CCNB3: variants seen among roughly 807,000 people sequenced by gnomAD.
CCNB3 encodes the protein G2/mitotic-specific cyclin-B3.
Under a neutral mutation model 68.0 loss-of-function variants are expected in CCNB3, and 12 were observed. The ratio of observed to expected loss-of-function variants is 0.18; its 90% CI spans 0.11 to 0.29. The LOEUF (loss-of-function observed/expected upper bound fraction) is 0.29, where lower values mean the gene tolerates loss of function less well. Among genes scored for constraint, CCNB3 ranks in the 10% least tolerant of loss-of-function variants. CCNB3 has a pLI of 1.00. For synonymous variants in CCNB3, 354 were observed against 388.9 expected, an observed-to-expected ratio of 0.91 and a Z score of 1.06; for missense variants, 904 against 993.1, an observed-to-expected ratio of 0.91 and a Z score of 1.21.
At chrX:50,315,863 G>T (rs1292439272) in intron 8 of CCNB3, among the ~76,000 whole-genome samples, 2 of 111,531 alleles carry the variant, frequency 1.8e-5, no homozygotes, top group African/African-American at 3.3e-5. Context: ...ATCATACAGT[G>T]TATAGCCTTT....
At chrX:50,323,823 A>G (rs1427262016) in intron 8 of CCNB3, among the ~76,000 whole-genome samples, 1 of 111,958 alleles carries the variant, frequency 8.9e-6, no homozygotes, top group Non-Finnish European at 1.9e-5. Flanking sequence ...GCTTTTTAAC[A>G]TAATTAGGGA....
chrX:50,311,256 G>T lies in CCNB3; in HGVS notation c.3087G>T (p.Glu1029Asp). The T allele has an allele frequency of 8.3e-7, 1 of 1,210,815 alleles. No individual in the cohort carries two copies. The highest frequency in any genetic ancestry group is 3.0e-5 in the East Asian group (1 of 33,795). ...PTTGKELSFK[E>D]PLALQESPTC... ...CTGGGAAGGAGTTGTCCTTCAAGGAGCCATTGGCCTTACAAGAGAGTCCCA... is the reference window on the plus strand; with the variant it reads ...CTGGGAAGGAGTTGTCCTTCAAGGATCCATTGGCCTTACAAGAGAGTCCCA... The change falls in exon 6 of 13, where the codon GAG (glutamate) becomes GAT (aspartate). Residue 1029 changes from glutamate (E) to aspartate (D), a missense_variant. Physicochemically the swap from Glu to Asp is conservative, Grantham distance 45 (BLOSUM62 2). This residue lies in a region of CCNB3 where 285 missense variants were observed against 383.4 expected (regional missense o/e 0.74). Coordinates refer to ENST00000376042, the MANE Select transcript of CCNB3 (RefSeq NM_033031.3).
intron 9 of CCNB3, among the ~76,000 whole-genome samples, chrX:50,346,256 T>TTCTA (rs781948950): frequency 5.3e-5 from 6 of 112,248 alleles, no homozygotes; most frequent in African/African-American, 9.7e-5. Flanking sequence ...CAGGCTTATT[T>TTCTA]TCTATCTCTA....
At chrX:50,227,063 A>C (rs1935863952) in intron 1 of CCNB3, among the ~76,000 whole-genome samples, 1 of 81,279 alleles carries the variant, frequency 1.2e-5, no homozygotes, top group African/African-American at 5.0e-5. Flanking sequence ...TATAGAATAT[A>C]TATACAAATA....
intron 8 of CCNB3, among the ~76,000 whole-genome samples, chrX:50,339,499 C>T (rs1923020513): frequency 8.9e-6 from 1 of 111,872 alleles, no homozygotes; most frequent in African/African-American, 3.3e-5. Flanking sequence ...ATTTTGGGGT[C>T]CCAAGATTTA....
At chrX:50,220,486 G>T (rs1935650327) in intron 1 of CCNB3, among the ~76,000 whole-genome samples, 1 of 111,714 alleles carries the variant, frequency 9.0e-6, no homozygotes, top group Non-Finnish European at 1.9e-5. Context: ...AAGATGTGTT[G>T]AATTTTATCG....
Position 50,346,684 on chromosome X carries a change from G to A in CCNB3, c.3687G>A (p.Val1229=), listed in dbSNP as rs782666114. The change falls in exon 10 of 13, where the codon GTG becomes GTA. Residue 1229 remains valine, a synonymous_variant. Coordinates refer to ENST00000376042, the MANE Select transcript of CCNB3 (RefSeq NM_033031.3). ...EHNSPRVDDF[V]YICDDNYQRS... is the part of the protein sequence containing the mutation. ...ACTCACCTCGTGTGGATGACTTTGT[G>A]TACATCTGTGATGATAATTATCAGC... is the stretch of plus-strand genomic sequence containing the variant. The A allele has an allele frequency of 9.1e-6, 11 of 1,209,543 alleles. No individual in the cohort carries two copies. The highest frequency in any genetic ancestry group is 4.6e-4 in the Middle Eastern group (2 of 4,370).
chrX:50,297,487 A>G (rs1371097048), intron 5 of CCNB3, among the ~76,000 whole-genome samples: 4 of 111,655 alleles, frequency 3.6e-5, no homozygotes, highest in Non-Finnish European at 7.5e-5. Context: ...CCATTGGTCT[A>G]TATCTCTGTT....
chrX:50,279,105 A>T (rs1456994016), intron 1 of CCNB3, among the ~76,000 whole-genome samples: 1 of 62,009 alleles, frequency 1.6e-5, no homozygotes, highest in Non-Finnish European at 2.7e-5. Flanking sequence ...TATATATTCC[A>T]TATATAAATA....
At chrX:50,217,748 C>T (rs1054545123) in intron 1 of CCNB3, among the ~76,000 whole-genome samples, 12 of 111,845 alleles carry the variant, frequency 1.1e-4, no homozygotes, top group African/African-American at 2.9e-4. Context: ...TTTCATTACC[C>T]TCTTGCTGCC....
intron 11 of CCNB3, among the ~76,000 whole-genome samples, chrX:50,350,815 C>T (rs928468263): frequency 2.3e-4 from 25 of 109,389 alleles, no homozygotes; most frequent in African/African-American, 8.4e-4. Flanking sequence ...CCTGCCTCAG[C>T]CTCCCGAGTA....
At chrX:50,289,512 T>G (rs1172912240) in intron 4 of CCNB3, among the ~76,000 whole-genome samples, 1 of 111,807 alleles carries the variant, frequency 8.9e-6, no homozygotes, top group East Asian at 2.8e-4. Context: ...ATTAATAGAA[T>G]GTTGTTAATT....
intron 1 of CCNB3, among the ~76,000 whole-genome samples, chrX:50,279,773 T>C (rs1936070075): frequency 1.1e-5 from 1 of 89,664 alleles, no homozygotes. Flanking sequence ...TATGAATATG[T>C]ATATTCATAT....
In CCNB3 at chrX:50,308,793, A is replaced by G. The variant is rs781989867; in HGVS notation, c.624A>G (p.Ile208Met). The change falls in exon 6 of 13, where the codon ATA becomes ATG. Residue 208 changes from isoleucine (I) to methionine (M), a missense_variant. Coordinates refer to ENST00000376042, the MANE Select transcript of CCNB3 (RefSeq NM_033031.3). ...EESDSDDAFV[I>M]EPMTFKKTHK... ...GTGACAGTGATGATGCGTTTGTTATAGAGCCAATGACTTTTAAGAAGACAC... is the reference window on the plus strand; with the variant it reads ...GTGACAGTGATGATGCGTTTGTTATGGAGCCAATGACTTTTAAGAAGACAC... 2 of 1,211,860 alleles carry G rather than the reference A, an allele frequency of 1.7e-6. No individual in the cohort carries two copies. The highest frequency in any genetic ancestry group is 2.2e-6 in the Non-Finnish European group (2 of 895,521).
chrX:50,342,148 G>T (rs1923175053), intron 8 of CCNB3, 54 bp from the exon 9 acceptor site: 5 of 1,200,511 alleles, frequency 4.2e-6, no homozygotes, highest in Non-Finnish European at 5.6e-6. Flanking sequence ...CTGTCTGGAG[G>T]CGACTTTGGA....
chrX:50,300,491 G>A (rs1936602877), intron 5 of CCNB3, among the ~76,000 whole-genome samples: 2 of 111,869 alleles, frequency 1.8e-5, no homozygotes, highest in South Asian at 3.8e-4. Context: ...TAGAGTTTCT[G>A]CCGAGAGATC....
chrX:50,289,451 C>A (rs1936308299), intron 4 of CCNB3, among the ~76,000 whole-genome samples: 1 of 111,524 alleles, frequency 9.0e-6, no homozygotes, highest in African/African-American at 3.3e-5. Context: ...GGCTAGAATT[C>A]TCTCAAGTAA....
Position 50,310,966 on chromosome X carries a change from C to A in CCNB3, c.2797C>A (p.Leu933Met), listed in dbSNP as rs1409312075. The change falls in exon 6 of 13, where the codon CTG becomes ATG. Residue 933 changes from leucine to methionine, a missense_variant. Leu to Met is a conservative substitution (Grantham distance 15, BLOSUM62 2). This residue lies in a region of CCNB3 where 285 missense variants were observed against 383.4 expected (regional missense o/e 0.74). Coordinates refer to ENST00000376042, the MANE Select transcript of CCNB3 (RefSeq NM_033031.3). ...EAVLFEDMIA[L>M]NEKPTTGKEL... Reference sequence around the variant, plus strand: ...AGTCCTCTTCGAAGATATGATAGCTCTGAATGAGAAACCCACCACTGGGAA... The same window carrying A: ...AGTCCTCTTCGAAGATATGATAGCTATGAATGAGAAACCCACCACTGGGAA... 8.3e-6 allele frequency: 10 copies of A among 1,212,068 alleles called. No individual in the cohort carries two copies. The highest frequency in any genetic ancestry group is 1.0e-5 in the Non-Finnish European group (9 of 895,614).
chrX:50,309,355 T>A lies in CCNB3; in HGVS notation c.1186T>A (p.Ser396Thr). 1 of 1,210,790 alleles carries A rather than the reference T, an allele frequency of 8.3e-7. No homozygotes were observed. Among genetic ancestry groups the A allele is most frequent in the Non-Finnish European group, 1.1e-6 (1 of 895,077 alleles). ...GCAGTGCATGACTGAGGGGAAGAGG[T>A]CCCGTCTGAAGCCATTAGTATTGCA... The part of the protein sequence containing the change: ...KEQCMTEGKR[S>T]RLKPLVLQEI... The change falls in exon 6 of 13, where the codon TCC (serine) becomes ACC (threonine). Residue 396 changes from serine (S) to threonine (T), a missense_variant. Transcript: ENST00000376042.
Sources: allele counts gnomAD v4.1 joint callset (sites outside exome capture counted in the v4.1 genomes callset), GRCh38; gene constraint gnomAD v4.1.1; regional missense constraint gnomAD v4.1.1; transcripts MANE v1.5; gene names NCBI Gene and HGNC (gene_info 2026-07-23, HGNC 2026-07-21).